TMEM117: variants seen among roughly 807,000 people sequenced by gnomAD.
The protein encoded by TMEM117 is transmembrane protein 117.
In TMEM117, 27 loss-of-function variants were observed where a neutral mutation model predicts 52.4. The observed-to-expected ratio is 0.51, with a 90% CI of 0.38 to 0.71. TMEM117 has a LOEUF of 0.71. TMEM117 is among the 30% of genes least tolerant of loss of function. TMEM117 has a pLI of 0.00. For synonymous variants in TMEM117, 215 were observed against 206.3 expected, an observed-to-expected ratio of 1.04 and a Z score of -0.36; for missense variants, 556 against 630.5, an observed-to-expected ratio of 0.88 and a Z score of 1.26.
intron 5 of TMEM117, among the ~76,000 whole-genome samples, chr12:44,212,995 G>T (rs778376122): frequency 6.6e-6 from 1 of 152,056 alleles, no homozygotes; most frequent in Non-Finnish European, 1.5e-5. Flanking sequence ...TGATTTTTTA[G>T]CTGTGTATTC....
At chr12:44,018,748 T>G (rs1266660889) in intron 3 of TMEM117, among the ~76,000 whole-genome samples, 1 of 151,098 alleles carries the variant, frequency 6.6e-6, no homozygotes, top group Non-Finnish European at 1.5e-5. Flanking sequence ...TTAGAAGAAG[T>G]CTTGCTCTGT....
At chr12:44,052,193 AT>A in intron 3 of TMEM117, among the ~76,000 whole-genome samples, 1 of 152,196 alleles carries the variant, frequency 6.6e-6, no homozygotes, top group African/African-American at 2.4e-5. Context: ...TCTTCAAAGT[AT>A]TCTATTTTTA....
chr12:43,820,417 A>G, the TMEM117 span, among the ~76,000 whole-genome samples: 15 of 151,896 alleles, frequency 9.9e-5, no homozygotes, highest in Non-Finnish European at 1.3e-4. Flanking sequence ...GGGACTACAG[A>G]CGCCGGCCAC....
At chr12:44,370,704 G>A (rs548074139) in intron 6 of TMEM117, among the ~76,000 whole-genome samples, 3 of 152,076 alleles carry the variant, frequency 2.0e-5, no homozygotes, top group African/African-American at 7.2e-5. Context: ...TTTTAGTAGA[G>A]ACGGATTTCT....
intron 6 of TMEM117, among the ~76,000 whole-genome samples, chr12:44,332,293 T>A (rs1226738000): frequency 6.6e-6 from 1 of 152,104 alleles, no homozygotes; most frequent in African/African-American, 2.4e-5. Context: ...AAGAATGGAA[T>A]AAGTTTGTGC....
intron 3 of TMEM117, among the ~76,000 whole-genome samples, chr12:44,104,076 A>G (rs1225103101): frequency 6.6e-6 from 1 of 152,042 alleles, no homozygotes; most frequent in East Asian, 1.9e-4. Context: ...GGTCATTATA[A>G]GCAAGATATG....
rs1952116500 is a variant in TMEM117 at position 44,388,137 on chromosome 12, G to A, written c.1010G>A (p.Gly337Glu). ...GAATATGGGCAATATATCGGCCCGG[G>A]GCAGAAGATATATACAGTGAAAGAC... is the stretch of plus-strand genomic sequence containing the variant. The part of the protein sequence containing the change: ...PHEYGQYIGP[G>E]QKIYTVKDSE... Residue 337 changes from glycine to glutamate, a missense_variant, in exon 8 of 8, where the codon GGG becomes GAG. Around this residue, in one of 3 missense-constraint regions of TMEM117, gnomAD observed 22 missense variants for 48.1 expected, o/e 0.46. Coordinates refer to ENST00000266534, the MANE Select transcript of TMEM117 (RefSeq NM_032256.3). The A allele has an allele frequency of 1.9e-6, 3 of 1,612,980 alleles. No homozygotes were observed. Among genetic ancestry groups the A allele is most frequent in the Admixed American group, 1.7e-5 (1 of 59,816 alleles).
rs192340256 is a variant in TMEM117, at chr12:44,100,194, C to T, written c.411-43331C>T. On this transcript the variant is annotated intron_variant, in intron 3 of 7. Coordinates refer to ENST00000266534, the MANE Select transcript of TMEM117 (RefSeq NM_032256.3). ...ATGCTGAAGCTAAAAACTGAAAACACGGGTTATTTTATGCCCCATAAACGT... is the reference window on the plus strand; with the variant it reads ...ATGCTGAAGCTAAAAACTGAAAACATGGGTTATTTTATGCCCCATAAACGT... Among the ~76,000 whole-genome samples the T allele has an allele frequency of 9.9e-5, 15 of 151,992 alleles. No individual in the cohort carries two copies. In the East Asian group the frequency reaches 1.7e-3, roughly 18 times the overall value.
Position 44,221,593 on chromosome 12 carries a change from G to C in TMEM117, c.608+10206G>C, listed in dbSNP as rs79885035. 2.3e-3 allele frequency among the ~76,000 whole-genome samples: 353 copies of C among 152,222 alleles called. 12 individuals carry two copies. The East Asian group carries it at 0.035, about 15-fold the overall frequency. On this transcript the variant is annotated intron_variant, in intron 5 of 7. Coordinates refer to ENST00000266534, the MANE Select transcript of TMEM117 (RefSeq NM_032256.3). Reference sequence around the variant, plus strand: ...GGGTTCATCACAAAATTTTAAATTAGTAATTAATGATATCTGTGAAACTTT... The same window carrying C: ...GGGTTCATCACAAAATTTTAAATTACTAATTAATGATATCTGTGAAACTTT...
intron 3 of TMEM117, among the ~76,000 whole-genome samples, chr12:43,990,473 A>G (rs1316791651): frequency 1.3e-5 from 2 of 152,210 alleles, no homozygotes; most frequent in Middle Eastern, 3.2e-3. Context: ...GAGGGCATTT[A>G]TAAAGTGATC....
intron 5 of TMEM117, among the ~76,000 whole-genome samples, chr12:44,280,227 A>G (rs1229872866): frequency 6.6e-6 from 1 of 152,190 alleles, no homozygotes; most frequent in Non-Finnish European, 1.5e-5. Flanking sequence ...ATCCCTGTAT[A>G]GATGTCCTGC....
At chr12:43,925,063 T>C (rs1944756689) in intron 2 of TMEM117, among the ~76,000 whole-genome samples, 1 of 152,150 alleles carries the variant, frequency 6.6e-6, no homozygotes, top group African/African-American at 2.4e-5. Context: ...TAGGGCAACT[T>C]GATTGTCCTC....
chr12:44,215,635 A>C (rs1029982975), intron 5 of TMEM117, among the ~76,000 whole-genome samples: 1 of 152,130 alleles, frequency 6.6e-6, no homozygotes, highest in Non-Finnish European at 1.5e-5. Flanking sequence ...GTTAGCTTCT[A>C]TCCCCCTGAT....
At chr12:44,378,562 C>T (rs953611020) in intron 7 of TMEM117, among the ~76,000 whole-genome samples, 15 of 152,234 alleles carry the variant, frequency 9.9e-5, no homozygotes, top group South Asian at 8.3e-4. Flanking sequence ...TCCATTTGAA[C>T]TAAAACCCTC....
At chr12:43,997,478 A>G (rs1426118234) in intron 3 of TMEM117, among the ~76,000 whole-genome samples, 8 of 152,148 alleles carry the variant, frequency 5.3e-5, no homozygotes, top group Admixed American at 5.2e-4. Flanking sequence ...CAGACTACAT[A>G]TTTAACTGGG....
At chr12:43,956,597 A>G (rs944155822) in intron 3 of TMEM117, among the ~76,000 whole-genome samples, 1 of 152,102 alleles carries the variant, frequency 6.6e-6, no homozygotes, top group Non-Finnish European at 1.5e-5. Context: ...AATCAAAACC[A>G]CAATGAGATA....
intron 5 of TMEM117, among the ~76,000 whole-genome samples, chr12:44,244,146 G>A (rs904172322): frequency 1.3e-5 from 2 of 151,876 alleles, no homozygotes; most frequent in Admixed American, 6.6e-5. Context: ...ATCCAGACTT[G>A]GAATTGCTGG....
intron 2 of TMEM117, among the ~76,000 whole-genome samples, chr12:43,906,125 T>C (rs1266060752): frequency 6.6e-6 from 1 of 152,226 alleles, no homozygotes; most frequent in African/African-American, 2.4e-5. Context: ...AACACATTCA[T>C]ACTTGTGCAA....
intron 3 of TMEM117, among the ~76,000 whole-genome samples, chr12:44,019,771 A>G (rs529531218): frequency 6.6e-6 from 1 of 152,282 alleles, no homozygotes; most frequent in South Asian, 2.1e-4. Flanking sequence ...ATTCTTAATT[A>G]TCAAAAGATG....
Sources: gnomAD v4.1 joint callset for allele counts (sites outside exome capture counted in the v4.1 genomes callset) on GRCh38, gnomAD v4.1.1 for gene constraint, gnomAD v4.1.1 regional missense constraint, MANE v1.5 for transcripts, NCBI Gene and HGNC (gene_info 2026-07-23, HGNC 2026-07-21) for gene names.